The following DTNB variants were observed in gnomAD, a reference collection of about 807,000 sequenced individuals.
DTNB encodes dystrobrevin beta, also known as DTN-B.
DTNB carries 63 observed loss-of-function variants against 90.7 expected under a neutral mutation model. The ratio of observed to expected loss-of-function variants is 0.69; its 90% CI spans 0.57 to 0.86. The LOEUF is 0.86. DTNB is among the 40% of genes least tolerant of loss of function. The pLI is 0.00. For missense variants in DTNB, 744 were observed against 807.1 expected, an observed-to-expected ratio of 0.92 and a Z score of 0.95; for synonymous variants, 277 against 286.7, an observed-to-expected ratio of 0.97 and a Z score of 0.34.
intron 1 of DTNB, among the ~76,000 whole-genome samples, chr2:25,671,110 T>C (rs2085768862): frequency 6.6e-6 from 1 of 152,204 alleles, no homozygotes; most frequent in Non-Finnish European, 1.5e-5. Context: ...AAGCCAAACA[T>C]ATGCCTAAGA....
intron 19 of DTNB, among the ~76,000 whole-genome samples, chr2:25,382,275 G>C (rs561775331): frequency 6.6e-5 from 10 of 152,154 alleles, no homozygotes; most frequent in African/African-American, 2.4e-4. Context: ...CCTTTGATTT[G>C]TTCATTTATT....
At chr2:25,491,364 A>G (rs1326456586) in intron 9 of DTNB, among the ~76,000 whole-genome samples, 4 of 152,218 alleles carry the variant, frequency 2.6e-5, no homozygotes, top group African/African-American at 9.6e-5. Flanking sequence ...ACCAGTCTAG[A>G]TGATCTCCTC....
At position 25,551,503 on chromosome 2, in the gene DTNB, A is replaced by T. The variant is rs912200457; in HGVS notation, c.877-19906T>A. 7.9e-5 allele frequency among the ~76,000 whole-genome samples: 12 copies of T among 152,192 alleles called. 1 individual carries two copies. The highest frequency in any genetic ancestry group is 7.9e-4 in the Admixed American group (12 of 15,280). ...TCCTTGGCTGAATCTGTTCTGAAGG[A>T]GTTGGCTGAGCAGCTTCAGGGTCCC... is the stretch of plus-strand genomic sequence containing the variant. On this transcript the variant is annotated intron_variant, in intron 8 of 20. Coordinates refer to ENST00000406818, the MANE Select transcript of DTNB (RefSeq NM_021907.5).
chr2:25,634,076 G>A (rs950030892), intron 3 of DTNB, among the ~76,000 whole-genome samples: 2 of 151,972 alleles, frequency 1.3e-5, no homozygotes, highest in African/African-American at 4.8e-5. Context: ...GGAGGTGGGG[G>A]GGTCAGCCAG....
At chr2:25,580,930 G>A (rs1169964604) in intron 6 of DTNB, 104 bp from the exon 7 acceptor site, 16 of 894,832 alleles carry the variant, frequency 1.8e-5, no homozygotes, top group Non-Finnish European at 2.5e-5. Context: ...GAATTACACG[G>A]TAAATTTTAT....
intron 3 of DTNB, among the ~76,000 whole-genome samples, chr2:25,636,089 T>C (rs2077069422): frequency 1.3e-5 from 2 of 152,222 alleles, no homozygotes; most frequent in African/African-American, 4.8e-5. Context: ...TTCTTCTGTT[T>C]ATTGACTGTT....
intron 9 of DTNB, among the ~76,000 whole-genome samples, chr2:25,496,586 G>A (rs545439041): frequency 6.6e-6 from 1 of 152,284 alleles, no homozygotes; most frequent in Admixed American, 6.5e-5. Context: ...GCTCACACCT[G>A]TAATCTCAGC....
intron 16 of DTNB, among the ~76,000 whole-genome samples, chr2:25,392,386 G>A (rs1253546882): frequency 6.6e-6 from 1 of 152,104 alleles, no homozygotes; most frequent in Non-Finnish European, 1.5e-5. Flanking sequence ...CACCAGCCTG[G>A]GCAACAGAGT....
At chr2:25,661,667 T>C (rs950690789) in intron 1 of DTNB, among the ~76,000 whole-genome samples, 2 of 152,224 alleles carry the variant, frequency 1.3e-5, no homozygotes, top group South Asian at 2.1e-4. Context: ...CACTAAGCTA[T>C]GATTTTTTTA....
chr2:25,519,083 G>A (rs752761803), intron 9 of DTNB, among the ~76,000 whole-genome samples: 8 of 152,098 alleles, frequency 5.3e-5, no homozygotes, highest in Non-Finnish European at 1.2e-4. Context: ...ATTACAGCAG[G>A]CCAGGCACAG....
At chr2:25,597,811 T>C (rs1164123175) in intron 5 of DTNB, among the ~76,000 whole-genome samples, 1 of 152,138 alleles carries the variant, frequency 6.6e-6, no homozygotes, top group Non-Finnish European at 1.5e-5. Context: ...CAGAGAAAGA[T>C]GACAAATGGT....
chr2:25,432,934 T>G lies in DTNB; in HGVS notation c.1409A>C (p.Glu470Ala). Residue 470 changes from glutamate to alanine, a missense_variant, in exon 14 of 21, where the codon GAG (glutamate) becomes GCG (alanine). Glu to Ala is a moderately radical substitution (Grantham distance 107, BLOSUM62 -1). Coordinates refer to ENST00000406818, the MANE Select transcript of DTNB (RefSeq NM_021907.5). ...CAGCGTGGGGTTCTGCTGTGCCTTC[T>G]CAGGGGTGGGCTGGGAGGCCTGCTC... ...EHEQASQPTP[E>A]KAQQNPTLLA... 1 of 1,611,234 alleles carries G rather than the reference T, an allele frequency of 6.2e-7. No individual in the cohort carries two copies. The highest frequency in any genetic ancestry group is 8.5e-7 in the Non-Finnish European group (1 of 1,179,378).
At chr2:25,397,408 G>C (rs376297860) in intron 16 of DTNB, among the ~76,000 whole-genome samples, 1 of 151,030 alleles carries the variant, frequency 6.6e-6, no homozygotes, top group African/African-American at 2.4e-5. Flanking sequence ...GCCAGTCACA[G>C]AAGACCACAT....
At chr2:25,608,891 T>C (rs958815794) in intron 4 of DTNB, among the ~76,000 whole-genome samples, 2 of 152,158 alleles carry the variant, frequency 1.3e-5, no homozygotes, top group Admixed American at 6.5e-5. Context: ...GGGGTAAATA[T>C]TAACTTGGAG....
In DTNB at chr2:25,662,262, T is replaced by C. The variant is rs369853030; in HGVS notation, c.-1-9601A>G. On this transcript the variant is annotated intron_variant, in intron 1 of 20. Transcript: ENST00000406818. The stretch of plus-strand genomic sequence containing the variant: ...ACATACAAGAATGCTTATGATGATA[T>C]TGTTTCTAAACACAAAATCAGAAAC... Among the ~76,000 whole-genome samples, 17 of 152,238 alleles carry C rather than the reference T, an allele frequency of 1.1e-4. No homozygotes were observed. In the East Asian group the frequency reaches 1.2e-3, roughly 10 times the overall value.
intron 9 of DTNB, among the ~76,000 whole-genome samples, chr2:25,490,377 C>G (rs1395423818): frequency 6.6e-6 from 1 of 151,880 alleles, no homozygotes; most frequent in Non-Finnish European, 1.5e-5. Context: ...TGACACAGGT[C>G]CTTAATTTAC....
chr2:25,413,113 T>G (rs1300412261), intron 16 of DTNB, among the ~76,000 whole-genome samples: 2 of 152,328 alleles, frequency 1.3e-5, no homozygotes, highest in South Asian at 4.1e-4. Flanking sequence ...TTTTATGCCA[T>G]GTATCAGTAT....
chr2:25,378,887 G>A (rs2036678384), intron 20 of DTNB, among the ~76,000 whole-genome samples: 4 of 152,192 alleles, frequency 2.6e-5, no homozygotes, highest in Admixed American at 1.3e-4. Flanking sequence ...ACAGAATCCA[G>A]GGACGCACTG....
intron 10 of DTNB, among the ~76,000 whole-genome samples, chr2:25,479,105 A>G (rs1406605084): frequency 6.6e-6 from 1 of 152,252 alleles, no homozygotes; most frequent in Non-Finnish European, 1.5e-5. Context: ...ATATTAATAT[A>G]CCAACTGAAC....
Sources: gnomAD v4.1 joint callset for allele counts (sites outside exome capture counted in the v4.1 genomes callset) on GRCh38, gnomAD v4.1.1 for gene constraint, MANE v1.5 for transcripts, NCBI Gene and HGNC (gene_info 2026-07-23, HGNC 2026-07-21) for gene names.